DIAPH3: variants seen among roughly 807,000 people sequenced by gnomAD.
The protein encoded by DIAPH3 is protein diaphanous homolog 3.
DIAPH3 carries 117 observed loss-of-function variants against 144.3 expected under a neutral mutation model. That is an observed-to-expected ratio of 0.81 (90% CI 0.70 to 0.95). The LOEUF is 0.95. Ranked by LOEUF, DIAPH3 falls within the 40% of genes least tolerant of loss-of-function variation. The probability of loss-of-function intolerance (pLI) is 0.00; values close to 1 mark genes in which losing one functional copy is unlikely to be tolerated. For synonymous variants in DIAPH3, 519 were observed against 488.9 expected (o/e 1.06, Z -0.81); for missense variants, 1,421 against 1,412.7 (o/e 1.01, Z -0.09).
chr13:60,099,903 T>G (rs376316856), intron 3 of DIAPH3, among the ~76,000 whole-genome samples: 1 of 92,664 alleles, frequency 1.1e-5, no homozygotes, highest in South Asian at 3.2e-4. Context: ...TACCAGAAAG[T>G]AAGAGAAGGA....
At chr13:59,744,355 G>A (rs1227936835) in intron 27 of DIAPH3, among the ~76,000 whole-genome samples, 1 of 152,116 alleles carries the variant, frequency 6.6e-6, no homozygotes, top group African/African-American at 2.4e-5. Flanking sequence ...CTATGTGCTG[G>A]GTATTCTGTT....
intron 2 of DIAPH3, among the ~76,000 whole-genome samples, chr13:60,129,155 G>A (rs780257595): frequency 2.0e-5 from 3 of 152,046 alleles, no homozygotes; most frequent in Non-Finnish European, 2.9e-5. Context: ...ACACACTGAT[G>A]GATAATTTAG....
intron 20 of DIAPH3, among the ~76,000 whole-genome samples, chr13:59,905,286 T>A (rs2046665252): frequency 1.5e-5 from 2 of 131,412 alleles, no homozygotes; most frequent in African/African-American, 6.0e-5. Context: ...GAGCTTGCAG[T>A]GAGTTGAGAT....
intron 1 of DIAPH3, chr13:60,147,367 C>G (rs1185790038): frequency 6.6e-6 from 1 of 152,154 alleles, no homozygotes; most frequent in Non-Finnish European, 1.5e-5. Context: ...CATCAATCTA[C>G]TTGGTACATG....
rs115162959 is a variant in DIAPH3, at chr13:60,138,596, T to C, written c.181-5607A>G. Among the ~76,000 whole-genome samples the C allele has an allele frequency of 4.7e-3, 710 of 152,334 alleles. 1 individual carries two copies. Among genetic ancestry groups the C allele is most frequent in the African/African-American group, 0.016 (648 of 41,568 alleles). Reference sequence around the variant, plus strand: ...TCTGGTATGTATGATGAATTACCAATTGCATCATTTATTTAAATGCTTAGT... The same window carrying C: ...TCTGGTATGTATGATGAATTACCAACTGCATCATTTATTTAAATGCTTAGT... On this transcript the variant is annotated intron_variant, in intron 1 of 27. Coordinates refer to ENST00000400324, the MANE Select transcript of DIAPH3 (RefSeq NM_001042517.2).
At chr13:59,678,508 G>C (rs979393985) in intron 27 of DIAPH3, among the ~76,000 whole-genome samples, 1 of 152,042 alleles carries the variant, frequency 6.6e-6, no homozygotes, top group Non-Finnish European at 1.5e-5. Context: ...GATAACCTAG[G>C]AAGAAATATT....
intron 25 of DIAPH3, 36 bp from the exon 26 acceptor site, chr13:59,774,859 C>A (rs1432376089): frequency 6.4e-7 from 1 of 1,555,192 alleles, no homozygotes; most frequent in Non-Finnish European, 8.9e-7. Flanking sequence ...CATCAGCCCT[C>A]AGGGTTACCA....
intron 25 of DIAPH3, among the ~76,000 whole-genome samples, chr13:59,775,166 G>A (rs1046142700): frequency 6.6e-6 from 1 of 152,160 alleles, no homozygotes; most frequent in Non-Finnish European, 1.5e-5. Context: ...CATTTCCTTT[G>A]TAGAGATGAG....
Position 59,971,125 on chromosome 13 carries a change from C to G in DIAPH3, c.1686G>C (p.Leu562Phe). ...CAGTTCCACCTTCTTTAGAGGGAGG[C>G]AAAGGAATATTACAATCAGCTGGCA... The part of the protein sequence containing the change: ...GALPADCNIP[L>F]PPSKEGGTGH... The change falls in exon 16 of 28, where the codon TTG becomes TTC. Residue 562 changes from leucine to phenylalanine, a missense_variant. Transcript: ENST00000400324. 1.3e-6 allele frequency: 2 copies of G among 1,598,902 alleles called. No homozygotes were observed. Among genetic ancestry groups the G allele is most frequent in the Admixed American group, 1.8e-5 (1 of 56,708 alleles).
At chr13:59,685,999 C>G (rs1298448686) in intron 27 of DIAPH3, among the ~76,000 whole-genome samples, 1 of 151,910 alleles carries the variant, frequency 6.6e-6, no homozygotes, top group Non-Finnish European at 1.5e-5. Context: ...GTTGGCAATC[C>G]CCAAACTAAA....
intron 27 of DIAPH3, among the ~76,000 whole-genome samples, chr13:59,705,509 AACCTCATAAAATC>A (rs1461542400): frequency 5.3e-5 from 8 of 152,252 alleles, no homozygotes; most frequent in Non-Finnish European, 8.8e-5. Flanking sequence ...ATAAAAAAGG[AACCTCATAAAATC>A]ATTTCAGATC....
At chr13:60,046,276 T>G (rs2056059630) in intron 4 of DIAPH3, among the ~76,000 whole-genome samples, 1 of 152,126 alleles carries the variant, frequency 6.6e-6, no homozygotes, top group Admixed American at 6.6e-5. Context: ...AATAGGATAT[T>G]ATATGTCCCA....
chr13:60,065,345 A>T (rs1357343649), intron 4 of DIAPH3, among the ~76,000 whole-genome samples: 1 of 151,828 alleles, frequency 6.6e-6, no homozygotes. Flanking sequence ...TAATAGTAAA[A>T]CTACAACTAT....
chr13:59,814,338 T>C (rs2040653002), intron 24 of DIAPH3, among the ~76,000 whole-genome samples: 1 of 152,294 alleles, frequency 6.6e-6, no homozygotes, highest in East Asian at 1.9e-4. Flanking sequence ...ACCTATTTTG[T>C]TTCATGAAAA....
intron 4 of DIAPH3, among the ~76,000 whole-genome samples, chr13:60,051,299 C>T (rs187827253): frequency 1.2e-4 from 18 of 151,988 alleles, no homozygotes; most frequent in East Asian, 3.9e-4. Context: ...AAACTGATGA[C>T]GCAGGGAGGT....
At chr13:59,667,744 G>A (rs2032106617) in intron 27 of DIAPH3, among the ~76,000 whole-genome samples, 1 of 152,174 alleles carries the variant, frequency 6.6e-6, no homozygotes, top group South Asian at 2.1e-4. Context: ...CAATATTCAT[G>A]TAACCTTGAA....
At chr13:59,725,372 C>A (rs536463905) in intron 27 of DIAPH3, among the ~76,000 whole-genome samples, 1 of 152,194 alleles carries the variant, frequency 6.6e-6, no homozygotes, top group South Asian at 2.1e-4. Flanking sequence ...TAAACAGAAG[C>A]AAGAGGAAAG....
intron 2 of DIAPH3, among the ~76,000 whole-genome samples, chr13:60,112,736 T>C (rs2058601780): frequency 1.3e-5 from 2 of 152,226 alleles, no homozygotes; most frequent in African/African-American, 4.8e-5. Context: ...GTATGTGAAC[T>C]TCTTGAATAT....
At chr13:59,817,104 G>A (rs2040816528) in intron 24 of DIAPH3, among the ~76,000 whole-genome samples, 1 of 151,804 alleles carries the variant, frequency 6.6e-6, no homozygotes, top group Admixed American at 6.6e-5. Context: ...ACTGAAAAAT[G>A]TATTGAGATT....
Sources: allele counts gnomAD v4.1 joint callset (sites outside exome capture counted in the v4.1 genomes callset), GRCh38; gene constraint gnomAD v4.1.1; transcripts MANE v1.5; gene names NCBI Gene and HGNC (gene_info 2026-07-23, HGNC 2026-07-21).